CSPP1: variants seen among roughly 807,000 people sequenced by gnomAD.
CSPP1 encodes centrosome and spindle pole-associated protein 1.
CSPP1 carries 126 observed loss-of-function variants against 164.4 expected under a neutral mutation model. The observed-to-expected ratio is 0.77, with a 90% confidence interval of 0.66 to 0.89. CSPP1 has a LOEUF of 0.89. Among genes scored for constraint, CSPP1 ranks in the 40% least tolerant of loss-of-function variants. The pLI, the probability that CSPP1 is intolerant of heterozygous loss-of-function variation, is 0.00. For synonymous variants in CSPP1, 472 were observed against 476.7 expected (o/e 0.99, Z 0.13); for missense variants, 1,395 against 1,449.8 (o/e 0.96, Z 0.61).
intron 17 of CSPP1, among the ~76,000 whole-genome samples, chr8:67,149,329 G>T (rs1353945314): frequency 6.6e-6 from 1 of 152,154 alleles, no homozygotes; most frequent in Non-Finnish European, 1.5e-5. Context: ...GAAGGGGAAT[G>T]GAATTTAGCT....
chr8:67,118,862 ATT>A, intron 15 of CSPP1, 41 bp downstream of exon 15: 1 of 1,390,856 alleles, frequency 7.2e-7, no homozygotes, highest in Non-Finnish European at 1.0e-6. Context: ...CCCCACTTTT[ATT>A]TTGTTAAGAT....
chr8:67,178,536 G>A (rs1287388616), intron 27 of CSPP1, among the ~76,000 whole-genome samples: 1 of 152,180 alleles, frequency 6.6e-6, no homozygotes, highest in Non-Finnish European at 1.5e-5. Flanking sequence ...TTGAATCATG[G>A]TGCTGTGGAG....
At position 67,085,146 on chromosome 8, in the gene CSPP1, A is replaced by G. The variant is rs1445891955; in HGVS notation, c.200-861A>G. On this transcript the variant is annotated intron_variant, in intron 3 of 30. Transcript: ENST00000678616. ...ATTTACAGAGTTTCTGTTTGGGATG[A>G]TGAAAAAATTCTGGAAATGGATAGT... 3.9e-5 allele frequency among the ~76,000 whole-genome samples: 6 copies of G among 152,302 alleles called. No individual in the cohort carries two copies. The East Asian group carries it at 1.2e-3, about 29-fold the overall frequency.
chr8:67,164,025 C>G (rs1355968750), intron 23 of CSPP1, among the ~76,000 whole-genome samples: 2 of 152,142 alleles, frequency 1.3e-5, no homozygotes, highest in Non-Finnish European at 2.9e-5. Context: ...CCAGTTTTTA[C>G]ATGCATTTAT....
chr8:67,188,278 G>C (rs1185116444), intron 28 of CSPP1, among the ~76,000 whole-genome samples: 1 of 152,226 alleles, frequency 6.6e-6, no homozygotes, highest in Non-Finnish European at 1.5e-5. Context: ...GCTACTGAGA[G>C]ACAGGACTAG....
intron 9 of CSPP1, among the ~76,000 whole-genome samples, chr8:67,111,161 C>T (rs1226469387): frequency 2.0e-5 from 3 of 152,084 alleles, no homozygotes; most frequent in Non-Finnish European, 1.5e-5. Flanking sequence ...TGTTCCAGAT[C>T]TTGCATATTT....
intron 28 of CSPP1, among the ~76,000 whole-genome samples, chr8:67,188,074 T>C (rs759080128): frequency 6.6e-6 from 1 of 152,196 alleles, no homozygotes; most frequent in Non-Finnish European, 1.5e-5. Context: ...TAAAAGACAC[T>C]GTTAATTAAG....
chr8:67,138,854 A>G (rs1298275826), intron 17 of CSPP1, among the ~76,000 whole-genome samples: 7 of 151,592 alleles, frequency 4.6e-5, no homozygotes, highest in Non-Finnish European at 5.9e-5. Context: ...TTTAGACATG[A>G]AGTCCTTGCC....
intron 24 of CSPP1, among the ~76,000 whole-genome samples, chr8:67,168,143 G>A (rs906457935): frequency 5.9e-5 from 9 of 152,302 alleles, no homozygotes; most frequent in East Asian, 3.9e-4. Flanking sequence ...AAAAAAGTAC[G>A]AAAACTAGTC....
chr8:67,113,220 G>C (rs2129550287), intron 10 of CSPP1, among the ~76,000 whole-genome samples: 2 of 152,244 alleles, frequency 1.3e-5, no homozygotes, highest in Middle Eastern at 6.8e-3. Context: ...ATTCCAGCCT[G>C]GGCGACAGGG....
chr8:67,085,755 A>T (rs1051193542), intron 3 of CSPP1, among the ~76,000 whole-genome samples: 4 of 152,148 alleles, frequency 2.6e-5, no homozygotes, highest in African/African-American at 9.6e-5. Context: ...TGGAGACAAG[A>T]AATAACAATG....
intron 10 of CSPP1, among the ~76,000 whole-genome samples, chr8:67,112,706 C>T (rs1386337477): frequency 1.3e-5 from 2 of 152,168 alleles, no homozygotes; most frequent in Admixed American, 6.5e-5. Flanking sequence ...CTAGTCTTCC[C>T]AACTCCCTTC....
intron 17 of CSPP1, among the ~76,000 whole-genome samples, chr8:67,145,442 G>T (rs996057586): frequency 2.0e-5 from 3 of 150,636 alleles, no homozygotes; most frequent in Non-Finnish European, 4.4e-5. Context: ...TCTTGTTTCA[G>T]TGATTTTGCT....
intron 7 of CSPP1, 90 bp downstream of exon 7, chr8:67,095,822 G>A: frequency 9.2e-6 from 7 of 758,714 alleles, no homozygotes; most frequent in Non-Finnish European, 1.5e-5. Flanking sequence ...ATTATACTAG[G>A]GAGAAGCAGT....
At chr8:67,170,663 G>A (rs189644495) in intron 24 of CSPP1, among the ~76,000 whole-genome samples, 1 of 152,144 alleles carries the variant, frequency 6.6e-6, no homozygotes, top group East Asian at 1.9e-4. Flanking sequence ...TTTAAAGTAA[G>A]GCTGAATCAT....
rs1179786803 is a variant in CSPP1 at position 67,196,362 on chromosome 8, T to C, written c.*769T>C. 1 of 152,200 alleles carries C rather than the reference T, an allele frequency of 6.6e-6. No homozygotes were observed. Among genetic ancestry groups the C allele is most frequent in the Non-Finnish European group, 1.5e-5 (1 of 68,046 alleles). 9.4% of individuals were successfully genotyped at this position (152,200 alleles called of 1,614,324 possible). ...AAGGACAGAGAGACTGGAGTCTTCT[T>C]CTTCCACCATGGAACCTTGGATAAG... On this transcript the variant is annotated 3_prime_UTR_variant, in exon 31 of 31. Transcript: ENST00000678616.
At chr8:67,170,660 T>G (rs1488746565) in intron 24 of CSPP1, among the ~76,000 whole-genome samples, 1 of 152,172 alleles carries the variant, frequency 6.6e-6, no homozygotes, top group Non-Finnish European at 1.5e-5. Flanking sequence ...CATTTTAAAG[T>G]AAGGCTGAAT....
intron 4 of CSPP1, among the ~76,000 whole-genome samples, chr8:67,089,508 A>G (rs1396005768): frequency 6.6e-6 from 1 of 152,190 alleles, no homozygotes; most frequent in Non-Finnish European, 1.5e-5. Context: ...ATAAACCTGC[A>G]CTATCCGTAG....
chr8:67,133,773 C>T (rs1421419672), intron 16 of CSPP1: 3 of 152,148 alleles, frequency 2.0e-5, no homozygotes, highest in African/African-American at 4.8e-5. Flanking sequence ...GTTTGGAGTC[C>T]TCTCAAAACC....
Sources: allele counts gnomAD v4.1 joint callset (sites outside exome capture counted in the v4.1 genomes callset), GRCh38; gene constraint gnomAD v4.1.1; transcripts MANE v1.5; gene names NCBI Gene and HGNC (gene_info 2026-07-23, HGNC 2026-07-21).